Variants in PDCD11 observed in about 807,000 individuals in gnomAD.
PDCD11 encodes protein RRP5 homolog.
A neutral mutation model predicts 198.9 loss-of-function variants in PDCD11; 97 were observed. The observed-to-expected ratio is 0.49, with a 90% CI of 0.41 to 0.58. The LOEUF (loss-of-function observed/expected upper bound fraction) is 0.58. Among genes scored for constraint, PDCD11 ranks in the 20% least tolerant of loss-of-function variants. The pLI, the probability that PDCD11 is intolerant of heterozygous loss-of-function variation, is 0.00. For synonymous variants in PDCD11, 893 were observed against 918.0 expected, an observed-to-expected ratio of 0.97 and a Z score of 0.49; for missense variants, 2,102 against 2,312.7, an observed-to-expected ratio of 0.91 and a Z score of 1.87.
intron 32 of PDCD11, 77 bp from the exon 33 acceptor site, chr10:103,443,088 T>C (rs1401944501): frequency 7.5e-7 from 1 of 1,331,274 alleles, no homozygotes; most frequent in African/African-American, 1.5e-5. Context: ...GGGGAGGTGG[T>C]TCCTGAGTCT....
At chr10:103,436,030 C>CTTTTTTTTTTTTTTTTTTTTTTTTTTT (rs912238769) in intron 25 of PDCD11, among the ~76,000 whole-genome samples, 1 of 137,396 alleles carries the variant, frequency 7.3e-6, no homozygotes. Flanking sequence ...TTGTTTTTTT[C>CTTTTTTTTTTTTTTTTTTTTTTTTTTT]TTTTTTTTTT....
intron 11 of PDCD11, 104 bp downstream of exon 11, chr10:103,414,434 A>G (rs1013496370): frequency 6.5e-6 from 5 of 763,376 alleles, no homozygotes; most frequent in South Asian, 4.9e-5. Context: ...AACACATTGA[A>G]TGTCATGTTC....
At chr10:103,442,052 G>C in intron 31 of PDCD11, 77 bp downstream of exon 31, 1 of 1,581,476 alleles carries the variant, frequency 6.3e-7, no homozygotes. Context: ...TCCTAGACTG[G>C]GTGTCTTCCT....
At chr10:103,435,507 G>A (rs747673645) in intron 25 of PDCD11, among the ~76,000 whole-genome samples, 19 of 151,334 alleles carry the variant, frequency 1.3e-4, no homozygotes, top group African/African-American at 2.2e-4. Flanking sequence ...GTGCAGTGGC[G>A]CGAGACACAG....
At chr10:103,436,162 G>T (rs1054803505) in intron 25 of PDCD11, among the ~76,000 whole-genome samples, 4 of 151,802 alleles carry the variant, frequency 2.6e-5, no homozygotes, top group Non-Finnish European at 5.9e-5. Flanking sequence ...GTGCAGTGGC[G>T]CAATCTTGGC....
At chr10:103,421,598 C>T (rs886481783) in intron 17 of PDCD11, 31 bp downstream of exon 17, 16 of 1,483,834 alleles carry the variant, frequency 1.1e-5, no homozygotes, top group Non-Finnish European at 1.5e-5. Flanking sequence ...GGGAGGTGGG[C>T]CAGGGGTGGG....
rs764921702 is a variant in PDCD11, at chr10:103,440,308, C to T, written c.4167C>T (p.Asn1389=). The T allele has an allele frequency of 3.7e-6, 6 of 1,613,174 alleles. No individual in the cohort carries two copies. The highest frequency in any genetic ancestry group is 1.3e-5 in the African/African-American group (1 of 74,774). The stretch of plus-strand genomic sequence containing the variant: ...GTCATAGCCTTAACCACCAGAAGAA[C>T]CTGGTAGAGCTGTCTTTCCTCCCCG... The part of the protein sequence containing the change: ...ARVLRLNHQK[N]LVELSFLPGD... Residue 1389 remains asparagine, a synonymous_variant, in exon 29 of 36, where the codon AAC becomes AAT. Coordinates refer to ENST00000369797, the MANE Select transcript of PDCD11 (RefSeq NM_014976.2).
chr10:103,411,745 T>A (rs1419063992), intron 8 of PDCD11, among the ~76,000 whole-genome samples: 1 of 152,216 alleles, frequency 6.6e-6, no homozygotes, highest in East Asian at 1.9e-4. Context: ...GTAATACTGT[T>A]AATATTTTCC....
intron 4 of PDCD11, 134 bp from the exon 5 acceptor site, chr10:103,404,888 G>A: frequency 2.9e-6 from 2 of 689,778 alleles, no homozygotes; most frequent in Non-Finnish European, 4.8e-6. Context: ...CTTTGTGGAT[G>A]GGGGGTTATT....
chr10:103,405,187 G>C lies in PDCD11; in HGVS notation c.564+4G>C, dbSNP rs2030372442. On this transcript the variant is annotated splice_donor_region_variant and intron_variant, in intron 5 of 35. Coordinates refer to ENST00000369797, the MANE Select transcript of PDCD11 (RefSeq NM_014976.2). ...TGAGGCCCTGAAGCCTGGCATGGTAGGTGTCTAGGGTCGGGGAGGAAGAGT... is the reference window on the plus strand; with the variant it reads ...TGAGGCCCTGAAGCCTGGCATGGTACGTGTCTAGGGTCGGGGAGGAAGAGT... 3.1e-6 allele frequency: 5 copies of C among 1,612,638 alleles called. No homozygotes were observed. The South Asian group carries it at 4.4e-5, about 14-fold the overall frequency.
intron 7 of PDCD11, among the ~76,000 whole-genome samples, chr10:103,408,465 T>C (rs1221345484): frequency 6.6e-6 from 1 of 152,178 alleles, no homozygotes; most frequent in Non-Finnish European, 1.5e-5. Flanking sequence ...AGTGAGGTAC[T>C]AAAAAACTGT....
chr10:103,398,584 G>C lies in PDCD11; in HGVS notation c.102+56G>C, dbSNP rs2133663915. On this transcript the variant is annotated intron_variant, in intron 2 of 35. Transcript: ENST00000369797. ...CTGGAAACTTTTACTGTAGTGTCTT[G>C]TGAAAAATGAGCCTTATTTGAGAAT... The C allele has an allele frequency of 8.1e-6, 9 of 1,110,668 alleles. No individual in the cohort carries two copies. In the South Asian group the frequency reaches 1.1e-4, roughly 14 times the overall value. 68.8% of individuals were successfully genotyped at this position (1,110,668 alleles called of 1,614,324 possible).
intron 9 of PDCD11, among the ~76,000 whole-genome samples, chr10:103,413,748 C>T (rs2133696485): frequency 6.6e-6 from 1 of 152,338 alleles, no homozygotes; most frequent in Non-Finnish European, 1.5e-5. Flanking sequence ...AGGCACTAGG[C>T]ACAGTTGACT....
intron 31 of PDCD11, 103 bp from the exon 32 acceptor site, chr10:103,442,110 A>G: frequency 6.4e-7 from 1 of 1,551,044 alleles, no homozygotes; most frequent in Non-Finnish European, 8.8e-7. Context: ...CAGGGGGTAT[A>G]TATAGAGCCC....
chr10:103,398,465 A>C lies in PDCD11; in HGVS notation c.39A>C (p.Thr13=). 1 of 1,614,200 alleles carries C rather than the reference A, an allele frequency of 6.2e-7. No individual in the cohort carries two copies. Among genetic ancestry groups the C allele is most frequent in the Non-Finnish European group, 8.5e-7 (1 of 1,180,002 alleles). Reference sequence around the variant, plus strand: ...AAGAAAGCTTCCCCCGAGGAGGTACAAGAAAGATCCACAAACCAGAGAAAG... The same window carrying C: ...AAGAAAGCTTCCCCCGAGGAGGTACCAGAAAGATCCACAAACCAGAGAAAG... ...NLEESFPRGG[T]RKIHKPEKAF... is the part of the protein sequence containing the mutation. The change falls in exon 2 of 36, where the codon ACA becomes ACC. Residue 13 remains threonine (T), a synonymous_variant. Coordinates refer to ENST00000369797, the MANE Select transcript of PDCD11 (RefSeq NM_014976.2).
chr10:103,439,873 G>T lies in PDCD11; in HGVS notation c.4148+5G>T, dbSNP rs2133749558. ...GCTCACAGCCAGGGTCCTACGGTAG[G>T]TGCCTTCCCGTTCTCTCTCTCTCTG... On this transcript the variant is annotated splice_donor_5th_base_variant and intron_variant, in intron 28 of 35. Coordinates refer to ENST00000369797, the MANE Select transcript of PDCD11 (RefSeq NM_014976.2). 1 of 1,614,166 alleles carries T rather than the reference G, an allele frequency of 6.2e-7. No individual in the cohort carries two copies. The highest frequency in any genetic ancestry group is 8.5e-7 in the Non-Finnish European group (1 of 1,180,014).
chr10:103,440,238 G>T (rs1271960852), intron 28 of PDCD11, 52 bp from the exon 29 acceptor site: 3 of 1,558,620 alleles, frequency 1.9e-6, no homozygotes, highest in Non-Finnish European at 2.6e-6. Context: ...GCCGCCTGTG[G>T]TGCCCTCTGC....
intron 4 of PDCD11, 74 bp downstream of exon 4, chr10:103,403,359 C>A: frequency 1.4e-6 from 2 of 1,425,758 alleles, no homozygotes; most frequent in East Asian, 2.3e-5. Context: ...ACAACTTTGC[C>A]AGGTGCTAAG....
rs192843803 is a variant in PDCD11 at position 103,397,591 on chromosome 10, G to A, written c.-11-825G>A. ...GCTGGGACTAGGCGCAGGCCACCAC[G>A]CCCGGCTAATTTTTGCGTTTTTGGT... On this transcript the variant is annotated intron_variant, in intron 1 of 35. Transcript: ENST00000369797. 3.1e-4 allele frequency among the ~76,000 whole-genome samples: 47 copies of A among 152,228 alleles called. No individual in the cohort carries two copies. The East Asian group carries it at 9.1e-3, about 29-fold the overall frequency.
Sources: allele counts gnomAD v4.1 joint callset (sites outside exome capture counted in the v4.1 genomes callset), GRCh38; gene constraint gnomAD v4.1.1; transcripts MANE v1.5; gene names NCBI Gene and HGNC (gene_info 2026-07-23, HGNC 2026-07-21).